VWA8: variants seen among roughly 807,000 people sequenced by gnomAD.
The protein encoded by VWA8 is von Willebrand factor A domain-containing protein 8.
Under a neutral mutation model 241.5 loss-of-function variants are expected in VWA8, and 221 were observed. The observed-to-expected ratio is 0.91, with a 90% CI of 0.82 to 1.02. VWA8 has a LOEUF of 1.02. Among genes scored for constraint, VWA8 ranks in the 50% least tolerant of loss-of-function variants. The probability of loss-of-function intolerance (pLI) is 0.00; values close to 1 mark genes in which losing one functional copy is unlikely to be tolerated. For missense variants in VWA8, 2,322 were observed against 2,328.7 expected (o/e 1.00, Z 0.06); for synonymous variants, 852 against 827.1 (o/e 1.03, Z -0.52).
Position 41,866,007 on chromosome 13 carries a change from T to C in VWA8, c.1242A>G (p.Gln414=). The change falls in exon 11 of 45, where the codon CAA becomes CAG. Residue 414 remains glutamine, a synonymous_variant. Coordinates refer to ENST00000379310, the MANE Select transcript of VWA8 (RefSeq NM_015058.2). ...GTATGAAACGGTCTGACGCACAAGG[T>C]TGACTTAATAGCCTGGTCCCGGCTG... is the stretch of plus-strand genomic sequence containing the variant. ...KVPAGTRLLS[Q]PCASDRFIQT... is the part of the protein sequence containing the mutation. The C allele has an allele frequency of 6.2e-7, 1 of 1,614,156 alleles. No individual in the cohort carries two copies.
Position 41,712,156 on chromosome 13 carries a change from A to G in VWA8, c.3116+7435T>C, listed in dbSNP as rs530862763. On this transcript the variant is annotated intron_variant, in intron 26 of 44. Transcript: ENST00000379310. ...GATGGGTACTAAAATACAGTTAGGT[A>G]GAAGAGATATGTTCTAATGATTGAT... Among the ~76,000 whole-genome samples the G allele has an allele frequency of 6.6e-5, 10 of 152,300 alleles. No individual in the cohort carries two copies. In the South Asian group the frequency reaches 2.1e-3, roughly 32 times the overall value.
rs1874455842 is a variant in VWA8, at chr13:41,885,033, G to C, written c.975+887C>G. Among the ~76,000 whole-genome samples, 7 of 152,232 alleles carry C rather than the reference G, an allele frequency of 4.6e-5. No homozygotes were observed. In the South Asian group the frequency reaches 1.5e-3, roughly 32 times the overall value. ...CACTGAGTGTTACAAAAGCTTCCTA[G>C]TCATTCCCTCACTTCCAACAAAGGT... On this transcript the variant is annotated intron_variant, in intron 8 of 44. Transcript: ENST00000379310.
At chr13:41,824,010 T>C (rs1352802223) in intron 14 of VWA8, among the ~76,000 whole-genome samples, 1 of 152,198 alleles carries the variant, frequency 6.6e-6, no homozygotes, top group Non-Finnish European at 1.5e-5. Flanking sequence ...GAAACACTGC[T>C]AGCTCAGAAG....
chr13:41,663,923 T>A (rs1421028584), intron 37 of VWA8, among the ~76,000 whole-genome samples: 1 of 151,476 alleles, frequency 6.6e-6, no homozygotes, highest in African/African-American at 2.4e-5. Context: ...ACTTACTGAA[T>A]ATATTATGTC....
At chr13:41,620,354 C>T (rs1444536270) in intron 37 of VWA8, among the ~76,000 whole-genome samples, 1 of 152,014 alleles carries the variant, frequency 6.6e-6, no homozygotes, top group African/African-American at 2.4e-5. Context: ...TTTGATTCTT[C>T]TCTCTTTTCT....
At chr13:41,940,001 ACT>A (rs1323069556) in intron 2 of VWA8, among the ~76,000 whole-genome samples, 1 of 152,178 alleles carries the variant, frequency 6.6e-6, no homozygotes, top group Non-Finnish European at 1.5e-5. Flanking sequence ...TTTCTAACAC[ACT>A]GTTCTTCTCA....
At chr13:41,920,097 G>C (rs1876443398) in intron 2 of VWA8, among the ~76,000 whole-genome samples, 1 of 152,092 alleles carries the variant, frequency 6.6e-6, no homozygotes, top group Non-Finnish European at 1.5e-5. Context: ...CTGGGTTCTT[G>C]ACAGTGCTGC....
chr13:41,960,907 C>A lies in VWA8; in HGVS notation c.109G>T (p.Asp37Tyr). 2 of 1,512,658 alleles carry A rather than the reference C, an allele frequency of 1.3e-6. No homozygotes were observed. Among genetic ancestry groups the A allele is most frequent in the Non-Finnish European group, 1.8e-6 (2 of 1,136,980 alleles). 93.7% of individuals were successfully genotyped at this position (1,512,658 alleles called of 1,614,324 possible). ...RQVVQRRPGG[D>Y]RQRPEVRLLH... Reference sequence around the variant, plus strand: ...AGTCTGACCTCCGGCCGCTGCCTGTCGCCACCCGGCCTGCGCTGCACCACC... The same window carrying A: ...AGTCTGACCTCCGGCCGCTGCCTGTAGCCACCCGGCCTGCGCTGCACCACC... The change falls in exon 1 of 45, where the codon GAC becomes TAC. Residue 37 changes from aspartate (D) to tyrosine (Y), a missense_variant. Physicochemically the swap from Asp to Tyr is radical, Grantham distance 160 (BLOSUM62 -3). Coordinates refer to ENST00000379310, the MANE Select transcript of VWA8 (RefSeq NM_015058.2).
chr13:41,941,881 G>A (rs1409639221), intron 2 of VWA8, among the ~76,000 whole-genome samples: 1 of 152,152 alleles, frequency 6.6e-6, no homozygotes, highest in Non-Finnish European at 1.5e-5. Context: ...CTAGAAAGTA[G>A]TACAGCCAAA....
chr13:41,751,797 G>C (rs1214162443), intron 21 of VWA8, among the ~76,000 whole-genome samples: 1 of 152,106 alleles, frequency 6.6e-6, no homozygotes, highest in Non-Finnish European at 1.5e-5. Context: ...CAGTTGGTTA[G>C]AACACTTACA....
At chr13:41,809,917 C>G (rs1036600618) in intron 17 of VWA8, among the ~76,000 whole-genome samples, 1 of 152,054 alleles carries the variant, frequency 6.6e-6, no homozygotes, top group Admixed American at 6.5e-5. Flanking sequence ...GCCTAATAAT[C>G]TGATTATACA....
chr13:41,732,848 C>T (rs2045495590), intron 21 of VWA8, among the ~76,000 whole-genome samples: 1 of 152,184 alleles, frequency 6.6e-6, no homozygotes, highest in Non-Finnish European at 1.5e-5. Flanking sequence ...GTAACATTCA[C>T]ATCAAGTGTG....
chr13:41,952,908 C>G (rs138164484), intron 1 of VWA8, among the ~76,000 whole-genome samples: 10 of 152,058 alleles, frequency 6.6e-5, no homozygotes, highest in African/African-American at 2.4e-4. Context: ...CTAGCAATAA[C>G]AGAAAGTCAT....
intron 2 of VWA8, among the ~76,000 whole-genome samples, chr13:41,924,759 CTT>C (rs200528621): frequency 1.8e-4 from 26 of 144,400 alleles, no homozygotes; most frequent in Non-Finnish European, 2.1e-4. Context: ...GAAGCACTTT[CTT>C]TTTTTTTTTT....
At chr13:41,782,467 T>C (rs1305769333) in intron 19 of VWA8, among the ~76,000 whole-genome samples, 1 of 152,218 alleles carries the variant, frequency 6.6e-6, no homozygotes, top group East Asian at 1.9e-4. Flanking sequence ...TTTTTGCCTT[T>C]GACAGGCAAG....
intron 37 of VWA8, among the ~76,000 whole-genome samples, chr13:41,647,941 A>T (rs1489891709): frequency 6.6e-6 from 1 of 152,142 alleles, no homozygotes; most frequent in Non-Finnish European, 1.5e-5. Flanking sequence ...GTGAGCCAAG[A>T]TCGCACCACT....
intron 20 of VWA8, among the ~76,000 whole-genome samples, chr13:41,763,973 T>C (rs1352587075): frequency 6.6e-6 from 1 of 152,164 alleles, no homozygotes; most frequent in African/African-American, 2.4e-5. Flanking sequence ...CTTGGCTGTC[T>C]TGTTCCATAT....
intron 32 of VWA8, 77 bp from the exon 33 acceptor site, chr13:41,690,352 T>C: frequency 8.4e-7 from 1 of 1,186,110 alleles, no homozygotes. Flanking sequence ...TAAGAAAAAT[T>C]AGATTCTCCT....
In VWA8 at chr13:41,721,471, G is replaced by A. The variant is rs781420991; in HGVS notation, c.2863C>T (p.Leu955Phe). ...PNVPEPILQK[L>F]VAAFGELRSL... ...CTCAGCTCTCCAAAGGCAGCCACAA[G>A]CTTCTGAAGGATGGGCTCAGGCACA... The change falls in exon 25 of 45, where the codon CTT becomes TTT. Residue 955 changes from leucine to phenylalanine, a missense_variant. Coordinates refer to ENST00000379310, the MANE Select transcript of VWA8 (RefSeq NM_015058.2). The A allele has an allele frequency of 1.9e-6, 3 of 1,613,920 alleles. No homozygotes were observed. Among genetic ancestry groups the A allele is most frequent in the Non-Finnish European group, 2.5e-6 (3 of 1,179,860 alleles).
Sources: allele counts gnomAD v4.1 joint callset (sites outside exome capture counted in the v4.1 genomes callset), GRCh38; gene constraint gnomAD v4.1.1; transcripts MANE v1.5; gene names NCBI Gene and HGNC (gene_info 2026-07-23, HGNC 2026-07-21).